Variants in RYR2 observed in about 807,000 individuals in gnomAD.
RYR2 encodes cardiac muscle ryanodine receptor-calcium release channel.
A neutral mutation model predicts 601.1 loss-of-function variants in RYR2; 227 were observed. The observed-to-expected ratio is 0.38, with a 90% CI of 0.34 to 0.42. The LOEUF (loss-of-function observed/expected upper bound fraction) is 0.42, where lower values mean the gene tolerates loss of function less well. Ranked by LOEUF, RYR2 falls within the 10% of genes least tolerant of loss-of-function variation. The pLI is 1.00. For missense variants in RYR2, 4,646 were observed against 6,156.5 expected (o/e 0.75, Z 8.21); for synonymous variants, 2,223 against 2,175.1 (o/e 1.02, Z -0.61).
chr1:237,122,511 G>A (rs565430104), intron 1 of RYR2, among the ~76,000 whole-genome samples: 7 of 152,172 alleles, frequency 4.6e-5, no homozygotes, highest in Admixed American at 1.3e-4. Flanking sequence ...GTGAAACCCC[G>A]TTTCTACTAA....
intron 1 of RYR2, among the ~76,000 whole-genome samples, chr1:237,215,250 G>A (rs542333310): frequency 3.9e-5 from 6 of 152,168 alleles, no homozygotes; most frequent in East Asian, 3.9e-4. Flanking sequence ...CAGTAGTCCC[G>A]TCCTTTATTC....
chr1:237,574,203 A>G (rs1672995674), intron 29 of RYR2, among the ~76,000 whole-genome samples: 1 of 152,142 alleles, frequency 6.6e-6, no homozygotes, highest in Non-Finnish European at 1.5e-5. Context: ...GACCCCTTGG[A>G]CTGTAATGTC....
chr1:237,345,790 G>GT (rs1490569915), intron 3 of RYR2, among the ~76,000 whole-genome samples: 2 of 152,014 alleles, frequency 1.3e-5, no homozygotes, highest in African/African-American at 4.8e-5. Context: ...ATTTATCACT[G>GT]TATTTTAGAA....
Position 237,660,033 on chromosome 1 carries a change from G to T in RYR2, c.8257G>T (p.Val2753Phe). ...AGAAATATATTCAGACTCTTCTAAG[G>T]TTCAGCCATTAATGAAGCCATATAA... ...YGEIYSDSSK[V>F]QPLMKPYKLL... The change falls in exon 55 of 105, where the codon GTT becomes TTT. Residue 2753 changes from valine (V) to phenylalanine (F), a missense_variant. Val to Phe is a conservative substitution (Grantham distance 50). Around this residue, in one of 17 missense-constraint regions of RYR2, gnomAD observed 1,497 missense variants for 1,842.6 expected, o/e 0.81. Transcript: ENST00000366574. The T allele has an allele frequency of 6.3e-7, 1 of 1,586,852 alleles. No individual in the cohort carries two copies.
chr1:237,820,928 C>T (rs1662419639), intron 101 of RYR2, among the ~76,000 whole-genome samples: 2 of 152,136 alleles, frequency 1.3e-5, no homozygotes, highest in South Asian at 4.1e-4. Context: ...TGGGTGGAGC[C>T]CACTGCAGCT....
intron 1 of RYR2, among the ~76,000 whole-genome samples, chr1:237,088,228 T>C (rs1260200094): frequency 6.6e-6 from 1 of 152,178 alleles, no homozygotes; most frequent in Non-Finnish European, 1.5e-5. Context: ...CATGTTTGCA[T>C]TTGTGGATTG....
intron 82 of RYR2, 114 bp from the exon 83 acceptor site, chr1:237,759,662 G>T (rs377532535): frequency 9.5e-6 from 7 of 736,296 alleles, no homozygotes; most frequent in South Asian, 5.9e-5. Context: ...ATGTTTGTAC[G>T]CAGTGAATAT....
chr1:237,245,880 G>A (rs1253191450), intron 1 of RYR2, among the ~76,000 whole-genome samples: 2 of 151,504 alleles, frequency 1.3e-5, no homozygotes, highest in African/African-American at 4.9e-5. Context: ...CTCCCAGGTT[G>A]CAGTGATTCT....
chr1:237,074,684 C>T (rs1389270004), intron 1 of RYR2, among the ~76,000 whole-genome samples: 2 of 152,180 alleles, frequency 1.3e-5, no homozygotes, highest in African/African-American at 4.8e-5. Context: ...TTATGCAAAC[C>T]CAAGATGGCC....
intron 24 of RYR2, among the ~76,000 whole-genome samples, chr1:237,521,924 A>C (rs1667128032): frequency 1.3e-5 from 2 of 151,922 alleles, no homozygotes; most frequent in African/African-American, 2.4e-5. Flanking sequence ...GCCTGTCCAC[A>C]CATTCCATTC....
At chr1:237,669,996 A>G (rs1285152923) in intron 58 of RYR2, among the ~76,000 whole-genome samples, 1 of 152,112 alleles carries the variant, frequency 6.6e-6, no homozygotes, top group Non-Finnish European at 1.5e-5. Flanking sequence ...CAGCCTGGGC[A>G]CCATTGAGCA....
intron 1 of RYR2, among the ~76,000 whole-genome samples, chr1:237,182,102 G>A (rs992337731): frequency 5.0e-5 from 4 of 80,042 alleles, no homozygotes; most frequent in Non-Finnish European, 1.1e-4. Context: ...AACTCCCTGG[G>A]GTTTATTTAT....
In RYR2 at chr1:237,595,694, G is replaced by A. The variant is rs1675819747; in HGVS notation, c.4596+37G>A. The A allele has an allele frequency of 3.8e-6, 6 of 1,558,880 alleles. No homozygotes were observed. The Middle Eastern group carries it at 8.7e-4, about 227-fold the overall frequency. ...GTGATGATATCAGTCTTCTAGGGAG[G>A]AAGACTTCTTTCCCCCATTAAAGGA... On this transcript the variant is annotated intron_variant, in intron 34 of 104. Coordinates refer to ENST00000366574, the MANE Select transcript of RYR2 (RefSeq NM_001035.3).
intron 26 of RYR2, among the ~76,000 whole-genome samples, chr1:237,549,218 A>T (rs750403214): frequency 6.6e-6 from 1 of 152,204 alleles, no homozygotes; most frequent in Admixed American, 6.5e-5. Context: ...GTATTAAGGT[A>T]TTCAGGATTA....
At chr1:237,153,147 G>C (rs143556927) in intron 1 of RYR2, among the ~76,000 whole-genome samples, 2 of 152,256 alleles carry the variant, frequency 1.3e-5, no homozygotes, top group East Asian at 3.9e-4. Context: ...GTGAGAGATA[G>C]TGAAGGTCTG....
At chr1:237,538,249 G>A (rs1270714570) in intron 25 of RYR2, among the ~76,000 whole-genome samples, 1 of 150,954 alleles carries the variant, frequency 6.6e-6, no homozygotes, top group African/African-American at 2.4e-5. Flanking sequence ...AAAAAAATTA[G>A]CCAGGCATGG....
Position 237,172,555 on chromosome 1 carries a change from G to A in RYR2, c.49-97942G>A, listed in dbSNP as rs558175567. ...CCAATGAGAACATTCTCACAGGCAG[G>A]TAACAGAATAGCACACTTTTATTAG... On this transcript the variant is annotated intron_variant, in intron 1 of 104. Coordinates refer to ENST00000366574, the MANE Select transcript of RYR2 (RefSeq NM_001035.3). 3.3e-5 allele frequency among the ~76,000 whole-genome samples: 5 copies of A among 152,112 alleles called. No individual in the cohort carries two copies. In the East Asian group the frequency reaches 7.7e-4, roughly 24 times the overall value.
At chr1:237,714,611 A>G (rs1689106408) in intron 71 of RYR2, among the ~76,000 whole-genome samples, 1 of 152,152 alleles carries the variant, frequency 6.6e-6, no homozygotes, top group Admixed American at 6.6e-5. Context: ...AAATTGTTAC[A>G]ATCATATTTG....
intron 1 of RYR2, among the ~76,000 whole-genome samples, chr1:237,104,776 G>A (rs1371522638): frequency 4.6e-5 from 7 of 152,170 alleles, no homozygotes; most frequent in Non-Finnish European, 1.0e-4. Flanking sequence ...CCTACGGATA[G>A]GAAAGGAGTC....
Sources: gnomAD v4.1 joint callset for allele counts (sites outside exome capture counted in the v4.1 genomes callset) on GRCh38, gnomAD v4.1.1 for gene constraint, gnomAD v4.1.1 regional missense constraint, MANE v1.5 for transcripts, NCBI Gene and HGNC (gene_info 2026-07-23, HGNC 2026-07-21) for gene names.